The following CLIC4 variants were observed in gnomAD, a reference collection of about 807,000 sequenced individuals.
CLIC4 encodes CLIC family member 4.
In CLIC4, 13 loss-of-function variants were observed where a neutral mutation model predicts 24.6. That is an observed-to-expected ratio of 0.53 (90% confidence interval 0.34 to 0.84). The LOEUF (loss-of-function observed/expected upper bound fraction) is 0.84. Ranked by LOEUF, CLIC4 falls within the 40% of genes least tolerant of loss-of-function variation. The pLI is 0.01. For synonymous variants in CLIC4, 104 were observed against 111.3 expected, an observed-to-expected ratio of 0.93 and a Z score of 0.41; for missense variants, 227 against 301.7, an observed-to-expected ratio of 0.75 and a Z score of 1.83.
At chr1:24,803,859 T>TCTTC (rs987282053) in intron 2 of CLIC4, among the ~76,000 whole-genome samples, 1 of 152,176 alleles carries the variant, frequency 6.6e-6, no homozygotes, top group African/African-American at 2.4e-5. Flanking sequence ...AGCTGCCTCA[T>TCTTC]CTTCCTTGGA....
intron 1 of CLIC4, among the ~76,000 whole-genome samples, chr1:24,748,492 GTTTTTTGTTTTTTT>G (rs1379565633): frequency 3.2e-5 from 2 of 63,172 alleles, no homozygotes; most frequent in African/African-American, 9.7e-5. Flanking sequence ...TACAGATCAG[GTTTTTTGTTTTTTT>G]TTTTTTTTTT....
intron 3 of CLIC4, among the ~76,000 whole-genome samples, chr1:24,816,008 ACTC>A (rs1639663955): frequency 1.3e-5 from 2 of 152,020 alleles, no homozygotes; most frequent in African/African-American, 4.8e-5. Flanking sequence ...ATAAGAAGCA[ACTC>A]CTCATCCATT....
At chr1:24,774,286 T>A (rs937258340) in intron 1 of CLIC4, among the ~76,000 whole-genome samples, 21 of 152,188 alleles carry the variant, frequency 1.4e-4, no homozygotes, top group African/African-American at 5.1e-4. Flanking sequence ...AAGTAACTTC[T>A]TTTTTAAATA....
intron 3 of CLIC4, among the ~76,000 whole-genome samples, chr1:24,818,526 A>G (rs1364586798): frequency 6.6e-6 from 1 of 152,130 alleles, no homozygotes; most frequent in Non-Finnish European, 1.5e-5. Flanking sequence ...ACCTCAAGGT[A>G]TCCGCCCACC....
At chr1:24,838,829 T>C (rs775558028) in intron 4 of CLIC4, among the ~76,000 whole-genome samples, 3 of 152,174 alleles carry the variant, frequency 2.0e-5, no homozygotes, top group Non-Finnish European at 2.9e-5. Context: ...TGTCCCACTT[T>C]AATGAATGCC....
intron 1 of CLIC4, 93 bp downstream of exon 1, chr1:24,745,718 C>G (rs1246854521): frequency 9.9e-7 from 1 of 1,007,498 alleles, no homozygotes; most frequent in Non-Finnish European, 1.4e-6. Flanking sequence ...GAGGCGCCCC[C>G]GCTCGGCGCC....
At chr1:24,748,835 G>A (rs1638739503) in intron 1 of CLIC4, among the ~76,000 whole-genome samples, 1 of 152,028 alleles carries the variant, frequency 6.6e-6, no homozygotes, top group South Asian at 2.1e-4. Context: ...AAAAAGGACA[G>A]GTAAAATGTG....
intron 1 of CLIC4, among the ~76,000 whole-genome samples, chr1:24,784,201 T>A: frequency 6.6e-6 from 1 of 152,174 alleles, no homozygotes; most frequent in East Asian, 1.9e-4. Context: ...GTGTGAAAGG[T>A]ACACAACAAA....
At chr1:24,766,118 T>C (rs1386362276) in intron 1 of CLIC4, among the ~76,000 whole-genome samples, 1 of 152,028 alleles carries the variant, frequency 6.6e-6, no homozygotes. Flanking sequence ...GCTATTCTCC[T>C]GACTCAGCTT....
intron 4 of CLIC4, among the ~76,000 whole-genome samples, chr1:24,837,935 T>A (rs1477407513): frequency 6.6e-6 from 1 of 152,156 alleles, no homozygotes; most frequent in African/African-American, 2.4e-5. Context: ...ACTCCATGGT[T>A]TCGGTGTTCA....
chr1:24,806,932 A>G (rs1639556762), intron 2 of CLIC4, among the ~76,000 whole-genome samples: 2 of 152,170 alleles, frequency 1.3e-5, no homozygotes, highest in African/African-American at 4.8e-5. Flanking sequence ...TGGGACTTCA[A>G]GCCAGTCCCT....
chr1:24,750,756 T>C (rs1638763911), intron 1 of CLIC4, among the ~76,000 whole-genome samples: 1 of 152,142 alleles, frequency 6.6e-6, no homozygotes, highest in Non-Finnish European at 1.5e-5. Flanking sequence ...ATCTGCACAG[T>C]TGGGATATTA....
intron 4 of CLIC4, 107 bp downstream of exon 4, chr1:24,827,223 C>T: frequency 3.0e-6 from 2 of 670,820 alleles, no homozygotes; most frequent in South Asian, 1.9e-5. Flanking sequence ...CCAGCCATTC[C>T]CATAAGTAAT....
At chr1:24,782,170 C>G (rs1483251032) in intron 1 of CLIC4, among the ~76,000 whole-genome samples, 1 of 152,150 alleles carries the variant, frequency 6.6e-6, no homozygotes, top group Non-Finnish European at 1.5e-5. Context: ...ATCAAATGTA[C>G]TGTTATAAGC....
intron 1 of CLIC4, among the ~76,000 whole-genome samples, chr1:24,759,411 A>G (rs933541456): frequency 1.3e-5 from 2 of 152,082 alleles, no homozygotes; most frequent in African/African-American, 4.8e-5. Flanking sequence ...TGGTGAGTAA[A>G]TGAGCCATGG....
At chr1:24,828,435 C>T (rs1340408395) in intron 4 of CLIC4, among the ~76,000 whole-genome samples, 6 of 152,038 alleles carry the variant, frequency 3.9e-5, no homozygotes, top group Admixed American at 6.6e-5. Flanking sequence ...TATGTTGGAG[C>T]CCCTCCTTTC....
At chr1:24,830,665 T>C (rs1400716498) in intron 4 of CLIC4, among the ~76,000 whole-genome samples, 1 of 152,206 alleles carries the variant, frequency 6.6e-6, no homozygotes, top group Non-Finnish European at 1.5e-5. Flanking sequence ...CTTTGTAATT[T>C]TGCTGTGTTC....
At chr1:24,784,983 G>A (rs1639248891) in intron 1 of CLIC4, among the ~76,000 whole-genome samples, 1 of 131,706 alleles carries the variant, frequency 7.6e-6, no homozygotes, top group Non-Finnish European at 1.5e-5. Context: ...CAGCCTGGGC[G>A]ACAGCGCGAG....
chr1:24,777,539 A>AG (rs1639155836), intron 1 of CLIC4, among the ~76,000 whole-genome samples: 1 of 152,176 alleles, frequency 6.6e-6, no homozygotes, highest in South Asian at 2.1e-4. Context: ...GCAAAAAAAA[A>AG]GAACAAATAG....
Sources: gnomAD v4.1 joint callset for allele counts (sites outside exome capture counted in the v4.1 genomes callset) on GRCh38, gnomAD v4.1.1 for gene constraint, MANE v1.5 for transcripts, NCBI Gene and HGNC (gene_info 2026-07-23, HGNC 2026-07-21) for gene names.